The following NPAS2 variants were observed in gnomAD, a reference collection of about 807,000 sequenced individuals.
NPAS2 encodes neuronal PAS domain protein 2, also known as neuronal PAS domain-containing protein 2.
NPAS2 carries 23 observed loss-of-function variants against 107.5 expected under a neutral mutation model. The ratio of observed to expected loss-of-function variants is 0.21; its 90% CI spans 0.15 to 0.30. The LOEUF (loss-of-function observed/expected upper bound fraction) is 0.30. NPAS2 is among the 10% of genes least tolerant of loss of function. The pLI is 1.00. For missense variants in NPAS2, 756 were observed against 1,043.3 expected (o/e 0.72, Z 3.79); for synonymous variants, 403 against 417.5 (o/e 0.97, Z 0.42).
intron 2 of NPAS2, among the ~76,000 whole-genome samples, chr2:100,917,352 C>A (rs1682951225): frequency 6.6e-6 from 1 of 151,784 alleles, no homozygotes; most frequent in Admixed American, 6.6e-5. Flanking sequence ...CATAGTGAAA[C>A]CCCCGTCTCT....
chr2:100,879,193 A>G (rs796776186), intron 1 of NPAS2, among the ~76,000 whole-genome samples: 99 of 152,346 alleles, frequency 6.5e-4, no homozygotes, highest in African/African-American at 2.2e-3. Context: ...GTTGCTAAAC[A>G]TGAATCATTT....
chr2:100,959,697 T>C (rs1675809496), intron 7 of NPAS2, among the ~76,000 whole-genome samples: 1 of 152,230 alleles, frequency 6.6e-6, no homozygotes, highest in African/African-American at 2.4e-5. Context: ...TAGTTTCATA[T>C]CTTCTCAGAC....
At chr2:100,848,438 A>G (rs1677926277) in intron 1 of NPAS2, among the ~76,000 whole-genome samples, 1 of 152,204 alleles carries the variant, frequency 6.6e-6, no homozygotes, top group Admixed American at 6.5e-5. Context: ...CTGGGATCCA[A>G]GGAAACTCAT....
chr2:100,845,614 C>G (rs1677729078), intron 1 of NPAS2, among the ~76,000 whole-genome samples: 1 of 152,226 alleles, frequency 6.6e-6, no homozygotes, highest in East Asian at 1.9e-4. Flanking sequence ...AATGTCAGCC[C>G]TGGTGGGCAG....
At chr2:100,925,747 G>T (rs1351631271) in intron 3 of NPAS2, among the ~76,000 whole-genome samples, 1 of 152,054 alleles carries the variant, frequency 6.6e-6, no homozygotes, top group Non-Finnish European at 1.5e-5. Context: ...AAAATACATT[G>T]AAAAGAATTT....
At chr2:100,949,121 A>G (rs1046254716) in intron 6 of NPAS2, among the ~76,000 whole-genome samples, 2 of 152,246 alleles carry the variant, frequency 1.3e-5, no homozygotes, top group Non-Finnish European at 2.9e-5. Context: ...TACCAACCAC[A>G]GACATCTGGG....
chr2:100,988,194 G>C lies in NPAS2; in HGVS notation c.1745G>C (p.Gly582Ala). 1.9e-6 allele frequency: 3 copies of C among 1,614,156 alleles called. No individual in the cohort carries two copies. Among genetic ancestry groups the C allele is most frequent in the South Asian group, 1.1e-5 (1 of 91,084 alleles). Residue 582 changes from glycine to alanine, a missense_variant, in exon 17 of 21, where the codon GGC (glycine) becomes GCC (alanine). By Grantham distance (60) the Gly-to-Ala change is moderately conservative (BLOSUM62 0). This residue lies in a region of NPAS2 where 496 missense variants were observed against 594.4 expected (regional missense o/e 0.83). Coordinates refer to ENST00000335681, the MANE Select transcript of NPAS2 (RefSeq NM_002518.4). The stretch of plus-strand genomic sequence containing the variant: ...GTGACTCAGCCCCAGCTCGGGGCGG[G>C]CCCCCAACTTCCAGGGCAGATCTCC... Reference protein sequence around the residue: ...AAVTQPQLGAGPQLPGQISSA... With the variant: ...AAVTQPQLGAAPQLPGQISSA...
chr2:100,840,299 C>T (rs1677316206), intron 1 of NPAS2, among the ~76,000 whole-genome samples: 1 of 152,130 alleles, frequency 6.6e-6, no homozygotes. Context: ...GGCTCTCCTT[C>T]ACTTAACTAC....
At chr2:100,979,649 G>T (rs1677312439) in intron 15 of NPAS2, among the ~76,000 whole-genome samples, 1 of 151,490 alleles carries the variant, frequency 6.6e-6, no homozygotes, top group Non-Finnish European at 1.5e-5. Context: ...AAGTAGCTGG[G>T]ATTACAGGAA....
intron 2 of NPAS2, among the ~76,000 whole-genome samples, chr2:100,908,197 G>T (rs1264559493): frequency 6.6e-6 from 1 of 152,122 alleles, no homozygotes; most frequent in Non-Finnish European, 1.5e-5. Context: ...TTCTTCTTCT[G>T]TCAAGTGGGG....
intron 1 of NPAS2, among the ~76,000 whole-genome samples, chr2:100,870,991 T>G (rs1276903856): frequency 2.0e-5 from 3 of 152,234 alleles, no homozygotes; most frequent in Non-Finnish European, 4.4e-5. Context: ...TGCTTTCCTG[T>G]TAACGCTGTT....
chr2:100,946,350 TG>T (rs1444042503), intron 5 of NPAS2, among the ~76,000 whole-genome samples: 3 of 151,840 alleles, frequency 2.0e-5, no homozygotes, highest in African/African-American at 7.3e-5. Context: ...AAATCATCAG[TG>T]GGGGTGGAGG....
intron 17 of NPAS2, chr2:100,989,979 C>A: frequency 2.4e-6 from 1 of 418,462 alleles, no homozygotes; most frequent in South Asian, 3.6e-5. Context: ...GCCAGGAGGG[C>A]CATGTGTCTG....
chr2:100,977,392 C>G (rs557188563), intron 14 of NPAS2, among the ~76,000 whole-genome samples: 135 of 152,322 alleles, frequency 8.9e-4, no homozygotes, highest in African/African-American at 3.2e-3. Context: ...CAACCAAATC[C>G]ACCCAGGGCG....
chr2:100,913,260 A>G (rs1212325491), intron 2 of NPAS2, among the ~76,000 whole-genome samples: 1 of 152,216 alleles, frequency 6.6e-6, no homozygotes, highest in African/African-American at 2.4e-5. Flanking sequence ...TCTTCTTGGC[A>G]GCAAGGGAGC....
intron 7 of NPAS2, among the ~76,000 whole-genome samples, chr2:100,950,283 T>C (rs1319991821): frequency 6.7e-6 from 1 of 149,778 alleles, no homozygotes; most frequent in African/African-American, 2.5e-5. Flanking sequence ...GCAGCAAAGA[T>C]GGAAAAAAAA....
chr2:100,929,062 C>T (rs554884326), intron 3 of NPAS2, among the ~76,000 whole-genome samples: 2 of 152,194 alleles, frequency 1.3e-5, no homozygotes, highest in African/African-American at 4.8e-5. Context: ...TGCCACCACA[C>T]CTGGCTAATT....
At chr2:100,836,913 A>G (rs1440110319) in intron 1 of NPAS2, among the ~76,000 whole-genome samples, 1 of 152,204 alleles carries the variant, frequency 6.6e-6, no homozygotes, top group African/African-American at 2.4e-5. Flanking sequence ...GAATTGTGAA[A>G]CATGGTGCTC....
intron 1 of NPAS2, among the ~76,000 whole-genome samples, chr2:100,882,597 A>G (rs994768529): frequency 1.3e-5 from 2 of 152,022 alleles, no homozygotes; most frequent in African/African-American, 4.8e-5. Context: ...TGGGAGACAG[A>G]GCGAGACTCC....
Sources: allele counts gnomAD v4.1 joint callset (sites outside exome capture counted in the v4.1 genomes callset), GRCh38; gene constraint gnomAD v4.1.1; regional missense constraint gnomAD v4.1.1; transcripts MANE v1.5; gene names NCBI Gene and HGNC (gene_info 2026-07-23, HGNC 2026-07-21).